Variants in ACSS1 observed in about 807,000 individuals in gnomAD.
ACSS1 encodes acyl-CoA synthetase short chain family member 1.
Under a neutral mutation model 75.3 loss-of-function variants are expected in ACSS1, and 42 were observed. The observed-to-expected ratio is 0.56, with a 90% confidence interval of 0.44 to 0.72. The LOEUF (loss-of-function observed/expected upper bound fraction) is 0.72. ACSS1 is among the 30% of genes least tolerant of loss of function. The probability of loss-of-function intolerance (pLI) is 0.00; values close to 1 mark genes in which losing one functional copy is unlikely to be tolerated. For missense variants in ACSS1, 782 were observed against 935.7 expected (o/e 0.84, Z 2.14); for synonymous variants, 380 against 376.8 (o/e 1.01, Z -0.10).
At chr20:25,056,392 A>C (rs554036256) in intron 1 of ACSS1, among the ~76,000 whole-genome samples, 1 of 152,326 alleles carries the variant, frequency 6.6e-6, no homozygotes, top group South Asian at 2.1e-4. Flanking sequence ...ATGTTAAAGA[A>C]AACACTTATC....
chr20:25,023,396 C>T lies in ACSS1; in HGVS notation c.807+70G>A, dbSNP rs2088659631. ...AGGGAACCCAAATTGAGAACCACAA[C>T]CCGAGAAGCCTCAGAGCCAGCTAAC... On this transcript the variant is annotated intron_variant, in intron 4 of 13. Coordinates refer to ENST00000323482, the MANE Select transcript of ACSS1 (RefSeq NM_032501.4). 8 of 1,581,274 alleles carry T rather than the reference C, an allele frequency of 5.1e-6. No individual in the cohort carries two copies. The South Asian group carries it at 5.7e-5, about 11-fold the overall frequency.
intron 2 of ACSS1, among the ~76,000 whole-genome samples, chr20:25,036,733 T>G (rs565939294): frequency 2.4e-4 from 37 of 152,026 alleles, no homozygotes; most frequent in Non-Finnish European, 5.1e-4. Flanking sequence ...GGCAGGCAGA[T>G]CACTTGAGGT....
At chr20:25,015,277 C>A in intron 7 of ACSS1, 47 bp from the exon 8 acceptor site, 1 of 1,497,182 alleles carries the variant, frequency 6.7e-7, no homozygotes, top group Non-Finnish European at 9.1e-7. Context: ...TGCAAATAAA[C>A]CTGAAACCAA....
intron 3 of ACSS1, among the ~76,000 whole-genome samples, chr20:25,025,713 G>C (rs1308554695): frequency 6.6e-6 from 1 of 152,126 alleles, no homozygotes; most frequent in East Asian, 1.9e-4. Flanking sequence ...TGTCAGCCAG[G>C]GGTCATTCTC....
intron 2 of ACSS1, among the ~76,000 whole-genome samples, chr20:25,043,391 A>G (rs1568846894): frequency 6.6e-6 from 1 of 152,120 alleles, no homozygotes; most frequent in Admixed American, 6.5e-5. Flanking sequence ...CCACCCCACC[A>G]CAGCTGGAGT....
At position 25,006,882 on chromosome 20, in the gene ACSS1, G is replaced by C. The variant is rs1351910738; in HGVS notation, c.*880C>G. On this transcript the variant is annotated 3_prime_UTR_variant, in exon 14 of 14. Transcript: ENST00000323482. The stretch of plus-strand genomic sequence containing the variant: ...AAGTTAGTGCTCTAACAAGTCACCT[G>C]AGTTTCTAATAGCTTCCCTGAAGAA... 3.3e-6 allele frequency: 5 copies of C among 1,535,362 alleles called. No homozygotes were observed. Among genetic ancestry groups the C allele is most frequent in the Non-Finnish European group, 4.4e-6 (5 of 1,146,746 alleles).
chr20:25,013,784 C>T, intron 9 of ACSS1, 122 bp from the exon 10 acceptor site: 1 of 1,400,672 alleles, frequency 7.1e-7, no homozygotes, highest in East Asian at 2.5e-5. Flanking sequence ...CTGAGGAGGG[C>T]CCCAAGCCAC....
chr20:25,032,368 C>A (rs1470961937), intron 2 of ACSS1: 2 of 1,355,134 alleles, frequency 1.5e-6, no homozygotes, highest in Non-Finnish European at 1.9e-6. Flanking sequence ...CGCCAACTTG[C>A]CGGCCATGCG....
At chr20:25,046,923 G>T (rs937614486) in intron 2 of ACSS1, 4 of 779,400 alleles carry the variant, frequency 5.1e-6, no homozygotes, top group Non-Finnish European at 9.6e-6. Flanking sequence ...GCTGGTGGGG[G>T]AGACGGGTCA....
intron 1 of ACSS1, among the ~76,000 whole-genome samples, chr20:25,052,091 G>T (rs1214462108): frequency 6.6e-6 from 1 of 152,212 alleles, no homozygotes; most frequent in African/African-American, 2.4e-5. Flanking sequence ...TGTGCACATG[G>T]CTCTTCGCAC....
In ACSS1 at chr20:25,026,200, C is replaced by T. The variant is rs569311308; in HGVS notation, c.632-2559G>A. ...GCTGCCCAGACATGTGAGAGCCTAG[C>T]GGTCAGACTCACAATATACACCCAC... is the stretch of plus-strand genomic sequence containing the variant. On this transcript the variant is annotated intron_variant, in intron 3 of 13. Transcript: ENST00000323482. 2.0e-5 allele frequency among the ~76,000 whole-genome samples: 3 copies of T among 152,322 alleles called. No individual in the cohort carries two copies. The South Asian group carries it at 6.2e-4, about 32-fold the overall frequency.
rs1421032469 is a variant in ACSS1, at chr20:25,006,716, T to C, written c.*1046A>G. The C allele has an allele frequency of 3.4e-6, 4 of 1,193,700 alleles. No individual in the cohort carries two copies. The East Asian group carries it at 1.0e-4, about 31-fold the overall frequency. 73.9% of individuals were successfully genotyped at this position (1,193,700 alleles called of 1,614,324 possible). A position where few individuals can be genotyped will look rare whatever the true frequency, so the allele number is the denominator to read the frequency against. ...GTCGTGATTTCCATTATCTTGCTAA[T>C]GTTGACAGCACCTAAGTCACATTAA... On this transcript the variant is annotated 3_prime_UTR_variant, in exon 14 of 14. Coordinates refer to ENST00000323482, the MANE Select transcript of ACSS1 (RefSeq NM_032501.4).
In ACSS1 at chr20:25,057,771, G is replaced by C. The variant is rs141662914; in HGVS notation, c.332C>G (p.Ser111Cys). 1.1e-4 allele frequency: 169 copies of C among 1,575,168 alleles called. No homozygotes were observed. The highest frequency in any genetic ancestry group is 1.4e-4 in the Non-Finnish European group (161 of 1,152,732). The change falls in exon 1 of 14, where the codon TCT becomes TGT. Residue 111 changes from serine (S) to cysteine (C), a missense_variant and splice_region_variant. Physicochemically the swap from Ser to Cys is moderately radical, Grantham distance 112. This residue lies in a region of ACSS1 where 377 missense variants were observed against 383.1 expected (regional missense o/e 0.98). Transcript: ENST00000323482. ...GWFLGGQLNV[S>C]VNCLDQHVRK... ...TGGGTCTCCCGAAGCCCACTCACCA[G>C]AGACATTTAACTGGCCTCCCAGGAA...
chr20:25,036,223 G>A (rs1430747763), intron 2 of ACSS1, among the ~76,000 whole-genome samples: 7 of 152,212 alleles, frequency 4.6e-5, no homozygotes, highest in Admixed American at 3.9e-4. Context: ...TGCAAATGAT[G>A]TGCACAAAAA....
chr20:25,031,767 G>C (rs1430303936), intron 2 of ACSS1, among the ~76,000 whole-genome samples: 1 of 152,172 alleles, frequency 6.6e-6, no homozygotes, highest in Non-Finnish European at 1.5e-5. Context: ...GCTTCTCAGG[G>C]ACCACAAGTG....
chr20:25,036,952 CAA>C (rs376184330), intron 2 of ACSS1, among the ~76,000 whole-genome samples: 6 of 87,314 alleles, frequency 6.9e-5, no homozygotes, highest in Non-Finnish European at 4.3e-5. Context: ...TAGACTCTGT[CAA>C]AAAAAAAAAA....
At chr20:25,041,772 T>G (rs1412062841) in intron 2 of ACSS1, among the ~76,000 whole-genome samples, 1 of 152,048 alleles carries the variant, frequency 6.6e-6, no homozygotes, top group African/African-American at 2.4e-5. Context: ...GGAATCCACA[T>G]GAGATGGGCC....
At chr20:25,048,582 G>A (rs1426945810) in intron 1 of ACSS1, among the ~76,000 whole-genome samples, 1 of 152,178 alleles carries the variant, frequency 6.6e-6, no homozygotes, top group Non-Finnish European at 1.5e-5. Context: ...AACACTCAGT[G>A]CAAACAGGTT....
intron 7 of ACSS1, among the ~76,000 whole-genome samples, chr20:25,018,558 AG>A (rs541611710): frequency 7.8e-4 from 119 of 152,290 alleles, no homozygotes; most frequent in African/African-American, 2.6e-3. Flanking sequence ...TCTAGAACCA[AG>A]TGCTGCGTTC....
Sources: allele counts gnomAD v4.1 joint callset (sites outside exome capture counted in the v4.1 genomes callset), GRCh38; gene constraint gnomAD v4.1.1; regional missense constraint gnomAD v4.1.1; transcripts MANE v1.5; gene names NCBI Gene and HGNC (gene_info 2026-07-23, HGNC 2026-07-21).